CDK19: variants seen among roughly 807,000 people sequenced by gnomAD.
CDK19 encodes cyclin-dependent kinase 19.
Under a neutral mutation model 68.3 loss-of-function variants are expected in CDK19, and 20 were observed. That is an observed-to-expected ratio of 0.29 (90% CI 0.21 to 0.43). CDK19 has a LOEUF of 0.43. Among genes scored for constraint, CDK19 ranks in the 20% least tolerant of loss-of-function variants. The probability of loss-of-function intolerance (pLI) is 1.00; values close to 1 mark genes in which losing one functional copy is unlikely to be tolerated. For synonymous variants in CDK19, 221 were observed against 222.8 expected, an observed-to-expected ratio of 0.99 and a Z score of 0.07; for missense variants, 339 against 623.5, an observed-to-expected ratio of 0.54 and a Z score of 4.86.
At chr6:110,806,331 A>G (rs1176236095) in intron 1 of CDK19, among the ~76,000 whole-genome samples, 1 of 133,854 alleles carries the variant, frequency 7.5e-6, no homozygotes, top group East Asian at 2.0e-4. Context: ...GAAGAGCGAA[A>G]CTCCATCTCA....
intron 2 of CDK19, among the ~76,000 whole-genome samples, chr6:110,714,614 T>A (rs1352972415): frequency 6.6e-6 from 1 of 152,162 alleles, no homozygotes; most frequent in Non-Finnish European, 1.5e-5. Context: ...TGTGAAGTAG[T>A]ATCTTGTGGC....
chr6:110,702,175 G>A (rs1300560803), intron 2 of CDK19, among the ~76,000 whole-genome samples: 2 of 152,044 alleles, frequency 1.3e-5, no homozygotes, highest in Non-Finnish European at 2.9e-5. Flanking sequence ...AAGAGGCCAG[G>A]TGGCTCATGC....
chr6:110,728,072 G>A (rs1582963521), intron 2 of CDK19, among the ~76,000 whole-genome samples: 1 of 151,808 alleles, frequency 6.6e-6, no homozygotes, highest in African/African-American at 2.4e-5. Context: ...GGGGGATCAC[G>A]AGGTCGGGAG....
At chr6:110,707,122 CCAAA>C (rs1360206388) in intron 2 of CDK19, among the ~76,000 whole-genome samples, 1 of 151,642 alleles carries the variant, frequency 6.6e-6, no homozygotes, top group Non-Finnish European at 1.5e-5. Flanking sequence ...ACCAGCCTGG[CCAAA>C]CAATGACAAT....
At chr6:110,814,127 AGG>A (rs2115176822) in intron 1 of CDK19, 1 of 170,570 alleles carries the variant, frequency 5.9e-6, no homozygotes, top group African/African-American at 2.4e-5. Flanking sequence ...CTCAACTCCT[AGG>A]AAAACAAAGG....
At chr6:110,688,223 T>C (rs946471747) in intron 2 of CDK19, among the ~76,000 whole-genome samples, 24 of 151,742 alleles carry the variant, frequency 1.6e-4, no homozygotes, top group South Asian at 6.2e-4. Flanking sequence ...TCATCTCTAC[T>C]AAAAATAAAA....
chr6:110,610,746 T>C lies in CDK19; in HGVS notation c.*3789A>G, dbSNP rs1266233923. 1 of 152,224 alleles carries C rather than the reference T, an allele frequency of 6.6e-6. No homozygotes were observed. The highest frequency in any genetic ancestry group is 1.5e-5 in the Non-Finnish European group (1 of 68,040). The allele number at this position is 152,224 out of a possible 1,614,324, so 9.4% of individuals were successfully genotyped here. The stretch of plus-strand genomic sequence containing the variant: ...CCTAGGAAGACATCATCATAGAGTT[T>C]TGGATTTGTAATTTCCATAGAATTC... On this transcript the variant is annotated 3_prime_UTR_variant, in exon 13 of 13. Transcript: ENST00000368911.
rs774291402 is a variant in CDK19 at position 110,621,159 on chromosome 6, C to T, written c.1322G>A (p.Arg441Gln). 4 of 1,614,152 alleles carry T rather than the reference C, an allele frequency of 2.5e-6. No homozygotes were observed. The highest frequency in any genetic ancestry group is 1.7e-5 in the Admixed American group (1 of 60,026). ...LNQVPPNKKP[R>Q]LGPSGANSGG... ...TGAGTTTGCGCCTGAAGGCCCTAGC[C>T]GTGGCTTCTTGTTTGGAGGCACCTG... The change falls in exon 12 of 13, where the codon CGG (arginine) becomes CAG (glutamine). Residue 441 changes from arginine (R) to glutamine (Q), a missense_variant. Around this residue, in one of 4 missense-constraint regions of CDK19, gnomAD observed 155 missense variants for 222.7 expected, o/e 0.70. Coordinates refer to ENST00000368911, the MANE Select transcript of CDK19 (RefSeq NM_015076.5). The surrounding 1 kb of genome is among the most constrained non-coding windows in gnomAD (Gnocchi z 5.4).
chr6:110,798,516 C>G (rs896556023), intron 1 of CDK19, among the ~76,000 whole-genome samples: 3 of 150,246 alleles, frequency 2.0e-5, no homozygotes, highest in Non-Finnish European at 3.0e-5. Flanking sequence ...CCCAGCTACT[C>G]AAGAGGCTGA....
intron 1 of CDK19, among the ~76,000 whole-genome samples, chr6:110,754,134 A>G (rs1038331068): frequency 2.6e-5 from 4 of 151,722 alleles, no homozygotes; most frequent in African/African-American, 9.7e-5. Context: ...GGCTCAAGCA[A>G]TCCTCCCGCC....
chr6:110,660,010 TTG>T (rs1781520408), intron 4 of CDK19, among the ~76,000 whole-genome samples: 2 of 152,178 alleles, frequency 1.3e-5, no homozygotes. Context: ...TTGCTCTGTT[TTG>T]TTTTTTAGAG....
intron 1 of CDK19, among the ~76,000 whole-genome samples, chr6:110,810,531 T>C (rs1583155225): frequency 6.6e-6 from 1 of 151,976 alleles, no homozygotes; most frequent in South Asian, 2.1e-4. Flanking sequence ...TCCCAGCACT[T>C]TGGGAGGCCG....
At chr6:110,733,723 C>T (rs895863910) in intron 2 of CDK19, among the ~76,000 whole-genome samples, 3 of 151,872 alleles carry the variant, frequency 2.0e-5, no homozygotes, top group African/African-American at 7.2e-5. Context: ...ACACAAAAAA[C>T]ATAGCAGAGA....
At chr6:110,814,945 T>G in intron 1 of CDK19, 64 bp downstream of exon 1, 1 of 1,586,898 alleles carries the variant, frequency 6.3e-7, no homozygotes, top group Non-Finnish European at 8.6e-7. Context: ...GACCCACCCA[T>G]CCCGCCAGGT....
At chr6:110,682,206 T>C (rs1027202487) in intron 2 of CDK19, among the ~76,000 whole-genome samples, 1 of 152,216 alleles carries the variant, frequency 6.6e-6, no homozygotes, top group Non-Finnish European at 1.5e-5. Flanking sequence ...TTTTGATCTC[T>C]TTTAAGTAAC....
intron 1 of CDK19, among the ~76,000 whole-genome samples, chr6:110,785,996 A>T (rs1583098804): frequency 6.6e-6 from 1 of 152,038 alleles, no homozygotes. Flanking sequence ...AAAAAAAAGA[A>T]AGGAAAATAA....
At chr6:110,646,045 C>G (rs1780548947) in intron 4 of CDK19, 1 of 917,838 alleles carries the variant, frequency 1.1e-6, no homozygotes. Context: ...ATCTACGAAG[C>G]TATCCCTTTG....
chr6:110,713,031 T>C (rs981595077), intron 2 of CDK19, among the ~76,000 whole-genome samples: 2 of 151,766 alleles, frequency 1.3e-5, no homozygotes, highest in African/African-American at 4.8e-5. Context: ...ACCCCGTCTC[T>C]ACTAAAAATA....
intron 4 of CDK19, among the ~76,000 whole-genome samples, chr6:110,648,870 G>A (rs572956215): frequency 9.2e-5 from 14 of 151,950 alleles, no homozygotes; most frequent in South Asian, 2.1e-4. Flanking sequence ...GGTGCCCGCC[G>A]CCATACCCGG....
Sources: gnomAD v4.1 joint callset for allele counts (sites outside exome capture counted in the v4.1 genomes callset) on GRCh38, gnomAD v4.1.1 for gene constraint, gnomAD v4.1.1 regional missense constraint, Gnocchi (gnomAD v3.1) non-coding constraint, MANE v1.5 for transcripts, NCBI Gene and HGNC (gene_info 2026-07-23, HGNC 2026-07-21) for gene names.